SPATA6: variants seen among roughly 807,000 people sequenced by gnomAD.
SPATA6 encodes the protein spermatogenesis-associated protein 6.
Under a neutral mutation model 65.3 loss-of-function variants are expected in SPATA6, and 56 were observed. The ratio of observed to expected loss-of-function variants is 0.86; its 90% CI spans 0.69 to 1.07. SPATA6 has a LOEUF of 1.07. Among genes scored for constraint, SPATA6 ranks in the 50% least tolerant of loss-of-function variants. The pLI is 0.00. For missense variants in SPATA6, 590 were observed against 594.8 expected, an observed-to-expected ratio of 0.99 and a Z score of 0.08; for synonymous variants, 199 against 213.2, an observed-to-expected ratio of 0.93 and a Z score of 0.58.
chr1:48,333,178 A>T (rs1434394242), intron 11 of SPATA6, among the ~76,000 whole-genome samples: 1 of 152,204 alleles, frequency 6.6e-6, no homozygotes, highest in Non-Finnish European at 1.5e-5. Flanking sequence ...ATCATCTACC[A>T]GTGCGGCTAG....
intron 11 of SPATA6, among the ~76,000 whole-genome samples, chr1:48,313,709 G>C (rs534436402): frequency 6.6e-6 from 1 of 152,266 alleles, no homozygotes; most frequent in Non-Finnish European, 1.5e-5. Context: ...AACATTAAAT[G>C]TAAATGGGCT....
chr1:48,357,110 G>C (rs984440520), intron 10 of SPATA6, among the ~76,000 whole-genome samples: 1 of 152,118 alleles, frequency 6.6e-6, no homozygotes, highest in Non-Finnish European at 1.5e-5. Context: ...AGGAATGCTT[G>C]CTTGCCAGTC....
chr1:48,395,441 C>T (rs570975910), intron 7 of SPATA6, 87 bp from the exon 8 acceptor site: 1 of 833,834 alleles, frequency 1.2e-6, no homozygotes. Flanking sequence ...TACTAGAGTA[C>T]AGAGAGCATA....
chr1:48,363,600 C>G (rs545407023), intron 9 of SPATA6, among the ~76,000 whole-genome samples: 1 of 151,388 alleles, frequency 6.6e-6, no homozygotes, highest in Non-Finnish European at 1.5e-5. Context: ...ATAAAAAAGT[C>G]TTTTTTTTAC....
intron 3 of SPATA6, among the ~76,000 whole-genome samples, chr1:48,433,838 G>C (rs1654626424): frequency 6.6e-6 from 1 of 151,992 alleles, no homozygotes; most frequent in Non-Finnish European, 1.5e-5. Context: ...GTTTAAAGGG[G>C]CTTCAAAAAA....
chr1:48,437,506 A>T (rs546952098), intron 3 of SPATA6, among the ~76,000 whole-genome samples: 1 of 152,288 alleles, frequency 6.6e-6, no homozygotes, highest in South Asian at 2.1e-4. Context: ...ATCTCTCAAT[A>T]TAATTTTTGA....
chr1:48,278,526 A>G, the SPATA6 span, among the ~76,000 whole-genome samples: 3 of 152,230 alleles, frequency 2.0e-5, no homozygotes, highest in East Asian at 1.9e-4. Context: ...CGAGAACTAC[A>G]TGAAGAATGC....
intron 11 of SPATA6, among the ~76,000 whole-genome samples, chr1:48,318,014 C>T (rs1274430210): frequency 6.6e-6 from 1 of 152,116 alleles, no homozygotes; most frequent in African/African-American, 2.4e-5. Context: ...AAAATTCAAT[C>T]AATGTAAGGT....
rs906175361 is a variant in SPATA6 at position 48,305,938 on chromosome 1, A to T, written c.1195-60T>A. ...TCTCATTGTCCCCAAAATGATGCATATGTTTCTTCATAAAATGCTCTTCCC... is the reference window on the plus strand; with the variant it reads ...TCTCATTGTCCCCAAAATGATGCATTTGTTTCTTCATAAAATGCTCTTCCC... On this transcript the variant is annotated intron_variant, in intron 11 of 12. Transcript: ENST00000371847. 3.4e-5 allele frequency: 43 copies of T among 1,263,966 alleles called. No homozygotes were observed. In the African/African-American group the frequency reaches 3.8e-4, roughly 11 times the overall value. The allele number at this position is 1,263,966 out of a possible 1,614,324, so 78.3% of individuals were successfully genotyped here.
intron 3 of SPATA6, among the ~76,000 whole-genome samples, chr1:48,450,791 C>A (rs557537386): frequency 6.6e-6 from 1 of 152,276 alleles, no homozygotes; most frequent in East Asian, 1.9e-4. Context: ...CATGTTTCTA[C>A]ATTGCTGAAG....
Position 48,462,274 on chromosome 1 carries a change from G to A in SPATA6, c.52-9143C>T, listed in dbSNP as rs201519977. Among the ~76,000 whole-genome samples, 8 of 152,154 alleles carry A rather than the reference G, an allele frequency of 5.3e-5. No individual in the cohort carries two copies. The East Asian group carries it at 1.4e-3, about 26-fold the overall frequency. On this transcript the variant is annotated intron_variant, in intron 1 of 12. Transcript: ENST00000371847. ...ACGAGTTAATGGGTGCAGCACACCA[G>A]CATGGCACATGTATACATATGTAAC...
chr1:48,352,408 C>A (rs552533102), intron 11 of SPATA6, among the ~76,000 whole-genome samples: 85 of 152,130 alleles, frequency 5.6e-4, no homozygotes, highest in Non-Finnish European at 5.9e-4. Flanking sequence ...GTTTCAACAG[C>A]AAAACCTCAT....
intron 7 of SPATA6, 128 bp from the exon 8 acceptor site, chr1:48,395,482 A>G (rs961841936): frequency 6.5e-6 from 3 of 462,902 alleles, no homozygotes; most frequent in Admixed American, 4.5e-5. Flanking sequence ...GGTGCCCATG[A>G]GAGTCAGACA....
intron 9 of SPATA6, among the ~76,000 whole-genome samples, chr1:48,369,773 ACTGCACCCACTGTC>A (rs1324763168): frequency 6.6e-6 from 1 of 152,176 alleles, no homozygotes; most frequent in Non-Finnish European, 1.5e-5. Flanking sequence ...CGCATGGTGC[ACTGCACCCACTGTC>A]CTGCACCCAC....
At chr1:48,291,305 T>G (rs752003976), downstream of SPATA6, among the ~76,000 whole-genome samples, 5 of 152,156 alleles carry the variant, frequency 3.3e-5, no homozygotes, top group Non-Finnish European at 4.4e-5. Flanking sequence ...CAGGAGATTA[T>G]GTCCCTTGTC....
At chr1:48,311,463 A>G (rs1645205481) in intron 11 of SPATA6, among the ~76,000 whole-genome samples, 1 of 152,190 alleles carries the variant, frequency 6.6e-6, no homozygotes, top group Non-Finnish European at 1.5e-5. Flanking sequence ...TAAATAAAAG[A>G]ACAAATTACT....
chr1:48,269,047 G>C, the SPATA6 span, among the ~76,000 whole-genome samples: 1 of 152,046 alleles, frequency 6.6e-6, no homozygotes, highest in African/African-American at 2.4e-5. Flanking sequence ...CACATATATA[G>C]TGCTGTTTTT....
chr1:48,366,786 T>TAA (rs1647031900), intron 9 of SPATA6, among the ~76,000 whole-genome samples: 1 of 152,202 alleles, frequency 6.6e-6, no homozygotes, highest in Non-Finnish European at 1.5e-5. Flanking sequence ...TTTTTGTGTC[T>TAA]CTATTTCCTT....
intron 7 of SPATA6, among the ~76,000 whole-genome samples, chr1:48,396,100 GAAAAA>G (rs1650561821): frequency 6.6e-6 from 1 of 151,418 alleles, no homozygotes; most frequent in Non-Finnish European, 1.5e-5. Flanking sequence ...AACATGAAAA[GAAAAA>G]AATTCAACAA....
Sources: gnomAD v4.1 joint callset for allele counts (sites outside exome capture counted in the v4.1 genomes callset) on GRCh38, gnomAD v4.1.1 for gene constraint, MANE v1.5 for transcripts, NCBI Gene and HGNC (gene_info 2026-07-23, HGNC 2026-07-21) for gene names.